ANKRD30B: variants seen among roughly 807,000 people sequenced by gnomAD.
ANKRD30B encodes ankyrin repeat domain-containing protein 30B.
ANKRD30B carries 144 observed loss-of-function variants against 202.2 expected under a neutral mutation model. The ratio of observed to expected loss-of-function variants is 0.71; its 90% confidence interval spans 0.62 to 0.82. The LOEUF (loss-of-function observed/expected upper bound fraction) is 0.82. Among genes scored for constraint, ANKRD30B ranks in the 40% least tolerant of loss-of-function variants. The pLI, the probability that ANKRD30B is intolerant of heterozygous loss-of-function variation, is 0.00. For synonymous variants in ANKRD30B, 508 were observed against 561.3 expected (o/e 0.91, Z 1.34); for missense variants, 1,487 against 1,669.1 (o/e 0.89, Z 1.90).
rs563049300 is a variant in ANKRD30B at position 14,790,784 on chromosome 18, C to T, written c.1735-617C>T. On this transcript the variant is annotated intron_variant, in intron 15 of 43. Coordinates refer to ENST00000690538, the MANE Select transcript of ANKRD30B (RefSeq NM_001367607.2). Reference sequence around the variant, plus strand: ...AAGCTTTTTGATGTGCTGCTGGATTCGGTTTGCCAGTATTTTATTGAGGAT... The same window carrying T: ...AAGCTTTTTGATGTGCTGCTGGATTTGGTTTGCCAGTATTTTATTGAGGAT... Among the ~76,000 whole-genome samples, 571 of 151,926 alleles carry T rather than the reference C, an allele frequency of 3.8e-3. 5 individuals carry two copies. Among genetic ancestry groups the T allele is most frequent in the African/African-American group, 0.012 (484 of 41,416 alleles).
At chr18:14,768,314 G>A (rs1916567946) in intron 7 of ANKRD30B, among the ~76,000 whole-genome samples, 1 of 152,188 alleles carries the variant, frequency 6.6e-6, no homozygotes, top group South Asian at 2.1e-4. Flanking sequence ...CTTGCTCTAT[G>A]CATCTCTTCA....
intron 7 of ANKRD30B, among the ~76,000 whole-genome samples, chr18:14,768,051 G>A (rs1432627034): frequency 1.3e-5 from 2 of 152,172 alleles, no homozygotes; most frequent in Admixed American, 6.5e-5. Flanking sequence ...TTCAGGATAG[G>A]AGCTGGTCAC....
chr18:14,752,601 C>G lies in ANKRD30B; in HGVS notation c.257C>G (p.Ala86Gly), dbSNP rs749570270. The G allele has an allele frequency of 6.2e-7, 1 of 1,612,542 alleles. No homozygotes were observed. Among genetic ancestry groups the G allele is most frequent in the Non-Finnish European group, 8.5e-7 (1 of 1,179,146 alleles). ...CACTGGGCCTGTGTCAATGGCCATG[C>G]AGAAGTAGTAACATTTCTGGTAGAC... The part of the protein sequence containing the change: ...ALHWACVNGH[A>G]EVVTFLVDRK... The change falls in exon 2 of 44, where the codon GCA (alanine) becomes GGA (glycine). Residue 86 changes from alanine to glycine, a missense_variant. Physicochemically the swap from Ala to Gly is moderately conservative, Grantham distance 60. Transcript: ENST00000690538.
the ANKRD30B span, chr18:14,890,126 C>T: frequency 6.8e-6 from 6 of 885,750 alleles, no homozygotes; most frequent in South Asian, 6.8e-5. Flanking sequence ...GTCAGGTATT[C>T]GTTCAGCTTT....
chr18:14,817,981 GATCA>G (rs562504202), intron 30 of ANKRD30B, among the ~76,000 whole-genome samples: 1 of 152,128 alleles, frequency 6.6e-6, no homozygotes, highest in South Asian at 2.1e-4. Flanking sequence ...CTTCATTATT[GATCA>G]ATCATCTCTG....
intron 42 of ANKRD30B, among the ~76,000 whole-genome samples, chr18:14,853,454 G>T (rs1225370634): frequency 2.0e-5 from 3 of 151,510 alleles, no homozygotes; most frequent in African/African-American, 7.3e-5. Flanking sequence ...AATATGTGAG[G>T]AACTTTGATG....
At chr18:14,829,291 T>G (rs754875914) in intron 33 of ANKRD30B, among the ~76,000 whole-genome samples, 9 of 152,198 alleles carry the variant, frequency 5.9e-5, no homozygotes, top group Non-Finnish European at 1.3e-4. Flanking sequence ...ATGGAGAATC[T>G]GAAACTCAAA....
chr18:14,819,466 G>A (rs62086440), intron 30 of ANKRD30B, among the ~76,000 whole-genome samples: 78,309 of 143,722 alleles, frequency 0.54, 20,891 homozygotes, highest in African/African-American at 0.66. Flanking sequence ...GTAATGCCTA[G>A]GTTTTCTTCT....
chr18:14,873,001 T>C, the ANKRD30B span, among the ~76,000 whole-genome samples: 3 of 152,044 alleles, frequency 2.0e-5, no homozygotes, highest in South Asian at 4.2e-4. Flanking sequence ...AGTTGCCACA[T>C]GGAGAGTGAA....
chr18:14,799,377 G>C, intron 22 of ANKRD30B, 82 bp downstream of exon 22: 1 of 1,278,808 alleles, frequency 7.8e-7, no homozygotes, highest in Non-Finnish European at 1.1e-6. Flanking sequence ...TATTCCCAAT[G>C]TTGTTTTCTT....
intron 6 of ANKRD30B, among the ~76,000 whole-genome samples, chr18:14,761,017 G>A (rs1915173811): frequency 6.6e-6 from 1 of 152,090 alleles, no homozygotes; most frequent in South Asian, 2.1e-4. Flanking sequence ...GATGAGCTCA[G>A]TAACAGGGGA....
chr18:14,834,824 C>G (rs1351432894), intron 34 of ANKRD30B, among the ~76,000 whole-genome samples: 1 of 151,900 alleles, frequency 6.6e-6, no homozygotes, highest in African/African-American at 2.4e-5. Context: ...AAATTATAAA[C>G]AAGGAATGAA....
chr18:14,830,913 T>A (rs1302225247), intron 33 of ANKRD30B, among the ~76,000 whole-genome samples: 1 of 152,144 alleles, frequency 6.6e-6, no homozygotes, highest in East Asian at 1.9e-4. Flanking sequence ...CCGGGCGCGG[T>A]GGCTCACGCC....
intron 36 of ANKRD30B, among the ~76,000 whole-genome samples, chr18:14,839,638 A>T (rs1231434649): frequency 5.3e-5 from 8 of 152,326 alleles, no homozygotes; most frequent in Admixed American, 4.6e-4. Context: ...TTAAGAACGA[A>T]TTGCATACTT....
the ANKRD30B span, among the ~76,000 whole-genome samples, chr18:14,902,920 C>T: frequency 2.0e-5 from 3 of 152,184 alleles, no homozygotes; most frequent in East Asian, 3.9e-4. Flanking sequence ...GGACTTGGAC[C>T]TGGTGAGCAT....
the ANKRD30B span, among the ~76,000 whole-genome samples, chr18:14,918,084 G>C: frequency 0.015 from 2,324 of 152,242 alleles, 69 homozygotes; most frequent in African/African-American, 0.054. Context: ...GATGAGAAGG[G>C]TAGGGGAAGG....
chr18:14,858,683 A>G (rs1776265309), downstream of ANKRD30B, among the ~76,000 whole-genome samples: 1 of 145,054 alleles, frequency 6.9e-6, no homozygotes, highest in Admixed American at 6.8e-5. Context: ...CACATCCCAG[A>G]CGATGGGTGG....
At chr18:14,758,332 C>G (rs1914701043) in intron 5 of ANKRD30B, among the ~76,000 whole-genome samples, 1 of 152,098 alleles carries the variant, frequency 6.6e-6, no homozygotes, top group Non-Finnish European at 1.5e-5. Context: ...TCCTTAAGTC[C>G]AAGGAAGACA....
At chr18:14,757,642 G>A (rs1165916938) in intron 4 of ANKRD30B, among the ~76,000 whole-genome samples, 173 bp from the exon 5 acceptor site, 3 of 152,044 alleles carry the variant, frequency 2.0e-5, no homozygotes, top group Non-Finnish European at 4.4e-5. Flanking sequence ...CACCCCAGTG[G>A]GACATGAGTC....
Sources: allele counts gnomAD v4.1 joint callset (sites outside exome capture counted in the v4.1 genomes callset), GRCh38; gene constraint gnomAD v4.1.1; transcripts MANE v1.5; gene names NCBI Gene and HGNC (gene_info 2026-07-23, HGNC 2026-07-21).